The following GRM7 variants were observed in gnomAD, a reference collection of about 807,000 sequenced individuals.
The protein encoded by GRM7 is glutamate metabotropic receptor 7.
In GRM7, 35 loss-of-function variants were observed where a neutral mutation model predicts 84.5. The ratio of observed to expected loss-of-function variants is 0.41; its 90% confidence interval spans 0.32 to 0.55. GRM7 has a LOEUF of 0.55. GRM7 is among the 20% of genes least tolerant of loss of function. GRM7 has a pLI of 0.19. For missense variants in GRM7, 1,003 were observed against 1,194.6 expected (o/e 0.84, Z 2.36); for synonymous variants, 487 against 455.1 (o/e 1.07, Z -0.89).
At chr3:7,614,248 G>A (rs554148796) in intron 8 of GRM7, among the ~76,000 whole-genome samples, 1 of 152,140 alleles carries the variant, frequency 6.6e-6, no homozygotes, top group Non-Finnish European at 1.5e-5. Context: ...TTTGGTGACA[G>A]AGTGAGACTC....
chr3:7,570,710 T>A (rs1224350852), intron 7 of GRM7, among the ~76,000 whole-genome samples: 2 of 152,210 alleles, frequency 1.3e-5, no homozygotes, highest in African/African-American at 4.8e-5. Context: ...GTCTGAAGGA[T>A]GGTGGCCCTT....
intron 2 of GRM7, among the ~76,000 whole-genome samples, chr3:7,152,395 G>A (rs1694313251): frequency 6.6e-6 from 1 of 152,034 alleles, no homozygotes; most frequent in Non-Finnish European, 1.5e-5. Flanking sequence ...TCTGTTTCTG[G>A]TTTCCTCTTC....
chr3:7,187,480 T>C (rs1695559923), intron 2 of GRM7, among the ~76,000 whole-genome samples: 1 of 152,164 alleles, frequency 6.6e-6, no homozygotes, highest in South Asian at 2.1e-4. Context: ...TGAGGGTTCT[T>C]TGAGGCTTTG....
At chr3:7,122,468 AAAAC>A (rs1468362497) in intron 1 of GRM7, among the ~76,000 whole-genome samples, 1 of 152,206 alleles carries the variant, frequency 6.6e-6, no homozygotes, top group East Asian at 1.9e-4. Context: ...AATGACTACT[AAAAC>A]AAATATTAAA....
intron 1 of GRM7, among the ~76,000 whole-genome samples, chr3:6,911,536 A>T (rs1019737491): frequency 2.6e-5 from 4 of 152,134 alleles, no homozygotes; most frequent in African/African-American, 9.7e-5. Context: ...GTTATTATAT[A>T]ATAAAATTAC....
At chr3:7,563,415 AT>A (rs1559405084) in intron 7 of GRM7, among the ~76,000 whole-genome samples, 1 of 152,148 alleles carries the variant, frequency 6.6e-6, no homozygotes, top group Non-Finnish European at 1.5e-5. Flanking sequence ...TCTGTAGGAG[AT>A]TAAACAAAAT....
chr3:6,889,619 C>T (rs1574974044), intron 1 of GRM7, among the ~76,000 whole-genome samples: 1 of 152,148 alleles, frequency 6.6e-6, no homozygotes, highest in Non-Finnish European at 1.5e-5. Flanking sequence ...TGATGTGCTG[C>T]TGGATTTGGT....
At chr3:7,286,633 C>A (rs999857387) in intron 2 of GRM7, among the ~76,000 whole-genome samples, 3 of 151,792 alleles carry the variant, frequency 2.0e-5, no homozygotes, top group Non-Finnish European at 4.4e-5. Context: ...TTTTTGTGAC[C>A]CCAAACATAA....
chr3:7,034,065 T>C (rs1696287996), intron 1 of GRM7, among the ~76,000 whole-genome samples: 1 of 152,150 alleles, frequency 6.6e-6, no homozygotes, highest in African/African-American at 2.4e-5. Flanking sequence ...ATAGATACCT[T>C]TCAAAGCTGA....
chr3:7,390,634 C>T (rs1319095670), intron 4 of GRM7, among the ~76,000 whole-genome samples: 1 of 151,964 alleles, frequency 6.6e-6, no homozygotes, highest in African/African-American at 2.4e-5. Context: ...TCTTCTGTTT[C>T]ACTTAGTCTG....
At chr3:7,238,793 TCTC>T (rs1697439063) in intron 2 of GRM7, among the ~76,000 whole-genome samples, 1 of 147,510 alleles carries the variant, frequency 6.8e-6, no homozygotes, top group African/African-American at 2.5e-5. Context: ...TTTCCTCTCT[TCTC>T]CTCTCCTCTC....
At chr3:7,049,200 C>T (rs1286649581) in intron 1 of GRM7, among the ~76,000 whole-genome samples, 1 of 151,884 alleles carries the variant, frequency 6.6e-6, no homozygotes, top group East Asian at 1.9e-4. Context: ...TATAATTGGG[C>T]TCATGTAGCA....
At chr3:7,358,989 CA>C (rs1488078530) in intron 4 of GRM7, among the ~76,000 whole-genome samples, 4 of 128,972 alleles carry the variant, frequency 3.1e-5, no homozygotes, top group Non-Finnish European at 6.6e-5. Context: ...CGAGGTGGCA[CA>C]AGCCTATAAT....
At chr3:7,520,229 A>G (rs537257937) in intron 7 of GRM7, 3 of 152,250 alleles carry the variant, frequency 2.0e-5, no homozygotes, top group East Asian at 1.9e-4. Context: ...GTTGGAACAC[A>G]TTGTCTTCCC....
At chr3:7,435,465 A>T (rs1395915081) in intron 5 of GRM7, among the ~76,000 whole-genome samples, 2 of 150,978 alleles carry the variant, frequency 1.3e-5, no homozygotes, top group African/African-American at 2.4e-5. Context: ...TATGCCTTCT[A>T]TTTTCTTTCT....
At chr3:7,037,260 T>C (rs1201285942) in intron 1 of GRM7, among the ~76,000 whole-genome samples, 1 of 152,202 alleles carries the variant, frequency 6.6e-6, no homozygotes, top group Non-Finnish European at 1.5e-5. Flanking sequence ...ACACATTATA[T>C]TAGGCCAGTG....
intron 7 of GRM7, among the ~76,000 whole-genome samples, chr3:7,482,191 C>T (rs1032561811): frequency 1.3e-5 from 2 of 152,050 alleles, no homozygotes; most frequent in African/African-American, 4.8e-5. Flanking sequence ...CCATCTCAAA[C>T]AAAAACGAAA....
intron 7 of GRM7, among the ~76,000 whole-genome samples, chr3:7,553,420 A>G (rs151325439): frequency 4.3e-4 from 65 of 152,262 alleles, no homozygotes; most frequent in Non-Finnish European, 8.2e-4. Flanking sequence ...TGCTTCCACA[A>G]TTTCAAGTGT....
rs138634038 is a variant in GRM7 at position 7,102,656 on chromosome 3, T to C, written c.520-43796T>C. 4.2e-4 allele frequency among the ~76,000 whole-genome samples: 64 copies of C among 151,876 alleles called. 1 individual carries two copies. The highest frequency in any genetic ancestry group is 1.2e-3 in the African/African-American group (49 of 41,504). ...CATTTTTTCTACACCATTCTGTTTC[T>C]TCTCCTTCCGAAACTTCAATTACAC... is the stretch of plus-strand genomic sequence containing the variant. On this transcript the variant is annotated intron_variant, in intron 1 of 9. Transcript: ENST00000357716.
Sources: allele counts gnomAD v4.1 joint callset (sites outside exome capture counted in the v4.1 genomes callset), GRCh38; gene constraint gnomAD v4.1.1; transcripts MANE v1.5; gene names NCBI Gene and HGNC (gene_info 2026-07-23, HGNC 2026-07-21).